Variants in MBD5 observed in about 807,000 individuals in gnomAD.
MBD5 encodes the protein methyl-CpG binding domain protein 5, also known as methyl-CpG-binding domain protein 5.
A neutral mutation model predicts 117.3 loss-of-function variants in MBD5; 13 were observed. The observed-to-expected ratio is 0.11, with a 90% CI of 0.07 to 0.18. The LOEUF is 0.18. MBD5 is among the 10% of genes least tolerant of loss of function. MBD5 has a pLI of 1.00. For missense variants in MBD5, 1,879 were observed against 2,093.8 expected, an observed-to-expected ratio of 0.90 and a Z score of 2.00; for synonymous variants, 727 against 766.4, an observed-to-expected ratio of 0.95 and a Z score of 0.85.
chr2:148,115,663 A>G (rs566131608), intron 1 of MBD5, among the ~76,000 whole-genome samples: 1 of 152,054 alleles, frequency 6.6e-6, no homozygotes, highest in African/African-American at 2.4e-5. Flanking sequence ...TGAGCTATAC[A>G]TATTTTTCCT....
chr2:148,381,592 C>G (rs1704145430), intron 4 of MBD5, among the ~76,000 whole-genome samples: 1 of 152,094 alleles, frequency 6.6e-6, no homozygotes, highest in South Asian at 2.1e-4. Flanking sequence ...CATTCAAATT[C>G]AGGAAATACA....
At chr2:148,322,424 C>T (rs1229540785) in intron 3 of MBD5, among the ~76,000 whole-genome samples, 1 of 152,164 alleles carries the variant, frequency 6.6e-6, no homozygotes, top group African/African-American at 2.4e-5. Flanking sequence ...ACCTAGAATA[C>T]ATTCAATAAA....
At chr2:148,317,810 T>TA (rs1702189992) in intron 3 of MBD5, among the ~76,000 whole-genome samples, 1 of 152,188 alleles carries the variant, frequency 6.6e-6, no homozygotes, top group South Asian at 2.1e-4. Context: ...TATGGCTGAG[T>TA]AGTATTCCAT....
At chr2:148,425,341 A>C (rs565901091) in intron 4 of MBD5, among the ~76,000 whole-genome samples, 2 of 152,358 alleles carry the variant, frequency 1.3e-5, no homozygotes, top group Admixed American at 1.3e-4. Flanking sequence ...ACCAGGAAGA[A>C]GTCGAATCCC....
chr2:148,082,736 G>T (rs1234409), intron 1 of MBD5, among the ~76,000 whole-genome samples: 20,681 of 152,118 alleles, frequency 0.14, 1,616 homozygotes, highest in African/African-American at 0.21. Context: ...AGAGGAAGGG[G>T]TTTTTTATTA....
chr2:148,137,955 T>C (rs909961071), intron 1 of MBD5, among the ~76,000 whole-genome samples: 3 of 152,198 alleles, frequency 2.0e-5, no homozygotes, highest in Non-Finnish European at 2.9e-5. Flanking sequence ...TCTGTGATGT[T>C]TGCATGATGA....
At chr2:148,357,805 A>G (rs1341718711) in intron 4 of MBD5, among the ~76,000 whole-genome samples, 2 of 151,670 alleles carry the variant, frequency 1.3e-5, no homozygotes, top group African/African-American at 2.4e-5. Flanking sequence ...ATATAAAATT[A>G]TGTTTTTATT....
chr2:148,076,518 AAAAG>A (rs1409596445), intron 1 of MBD5, among the ~76,000 whole-genome samples: 1 of 152,170 alleles, frequency 6.6e-6, no homozygotes, highest in African/African-American at 2.4e-5. Context: ...GAAAGACAAA[AAAAG>A]AGGCCTCAGA....
At chr2:148,340,555 A>G (rs752097926) in intron 3 of MBD5, among the ~76,000 whole-genome samples, 1 of 152,090 alleles carries the variant, frequency 6.6e-6, no homozygotes, top group Non-Finnish European at 1.5e-5. Context: ...TAGACTTGAT[A>G]TCGATATGTA....
chr2:148,426,605 A>G (rs1705797677), intron 4 of MBD5, among the ~76,000 whole-genome samples: 1 of 152,196 alleles, frequency 6.6e-6, no homozygotes, highest in Non-Finnish European at 1.5e-5. Context: ...CCATATGTAG[A>G]AAGCTGAAAC....
rs1280392363 is a variant in MBD5, at chr2:148,469,992, T to G, written c.2049T>G (p.Pro683=). The G allele has an allele frequency of 1.2e-6, 2 of 1,613,868 alleles. No individual in the cohort carries two copies. Among genetic ancestry groups the G allele is most frequent in the Admixed American group, 3.3e-5 (2 of 59,976 alleles). ...SQMDSSAVPK[P]GPDLLRKQGQ... ...TGGATAGTTCTGCAGTTCCTAAACC[T>G]GGACCTGACTTGCTAAGGAAGCAGG... Residue 683 remains proline (P), a synonymous_variant, in exon 8 of 14, where the codon CCT becomes CCG. Transcript: ENST00000642680.
intron 3 of MBD5, among the ~76,000 whole-genome samples, chr2:148,297,649 T>G (rs1018139632): frequency 6.6e-6 from 1 of 152,222 alleles, no homozygotes; most frequent in Non-Finnish European, 1.5e-5. Context: ...CCAGGAAGAT[T>G]GTTCTTAACT....
Position 148,395,426 on chromosome 2 carries a change from CT to C in MBD5, c.-557+53108del, listed in dbSNP as rs397758785. Among the ~76,000 whole-genome samples the C allele has an allele frequency of 1.2e-3, 152 of 123,940 alleles. 1 individual carries two copies. The highest frequency in any genetic ancestry group is 2.2e-3 in the African/African-American group (72 of 33,066). The allele number at this position is 123,940 out of a possible 152,430, so 81.3% of individuals were successfully genotyped here. A position where few individuals can be genotyped will look rare whatever the true frequency, so the allele number is the denominator to read the frequency against. On this transcript the variant is annotated intron_variant, in intron 4 of 13. Coordinates refer to ENST00000642680, the MANE Select transcript of MBD5 (RefSeq NM_001378120.1). ...AAGAGAATCCATTGGCCCAACTCAT[CT>C]TTTTTTTTTTTTTTTTTCACAGAGT...
intron 4 of MBD5, among the ~76,000 whole-genome samples, chr2:148,428,903 C>A (rs1462992823): frequency 1.3e-5 from 2 of 152,152 alleles, no homozygotes; most frequent in Non-Finnish European, 2.9e-5. Context: ...TAGAAGAAAA[C>A]CTGGGCACTA....
At chr2:148,123,721 A>C (rs1696822700) in intron 1 of MBD5, among the ~76,000 whole-genome samples, 1 of 152,216 alleles carries the variant, frequency 6.6e-6, no homozygotes, top group South Asian at 2.1e-4. Flanking sequence ...TGACACTATT[A>C]AAATAGGTGA....
intron 3 of MBD5, among the ~76,000 whole-genome samples, chr2:148,271,125 T>G (rs1700976109): frequency 6.6e-6 from 1 of 152,170 alleles, no homozygotes; most frequent in Non-Finnish European, 1.5e-5. Flanking sequence ...AATTGATGTT[T>G]CAGTTTCCTC....
At position 148,445,821 on chromosome 2, in the gene MBD5, G is replaced by A. The variant is rs1166685741; in HGVS notation, c.-556-12382G>A. Among the ~76,000 whole-genome samples the A allele has an allele frequency of 7.3e-5, 11 of 151,178 alleles. No individual in the cohort carries two copies. The East Asian group carries it at 9.7e-4, about 13-fold the overall frequency. On this transcript the variant is annotated intron_variant, in intron 4 of 13. Transcript: ENST00000642680. ...CTGTTGTTTTCTGACTTTAATGGTC[G>A]CCATTCTAACTGGTGTGAGATGGTA...
intron 8 of MBD5, among the ~76,000 whole-genome samples, chr2:148,480,229 T>G (rs1405569973): frequency 6.6e-6 from 1 of 152,094 alleles, no homozygotes; most frequent in East Asian, 1.9e-4. Flanking sequence ...ACACCCAGAG[T>G]ATCTATACTT....
At chr2:148,282,898 CG>C (rs1553493960) in intron 3 of MBD5, among the ~76,000 whole-genome samples, 8,116 of 41,414 alleles carry the variant, frequency 0.2, 295 homozygotes, top group East Asian at 0.32. Context: ...AAGACTTAAC[CG>C]CCCCCCCCCA....
Sources: allele counts gnomAD v4.1 joint callset (sites outside exome capture counted in the v4.1 genomes callset), GRCh38; gene constraint gnomAD v4.1.1; transcripts MANE v1.5; gene names NCBI Gene and HGNC (gene_info 2026-07-23, HGNC 2026-07-21).